The following ZC3H12B variants were observed in gnomAD, a reference collection of about 807,000 sequenced individuals.
ZC3H12B encodes the protein zinc finger CCCH-type containing 12B.
ZC3H12B carries 7 observed loss-of-function variants against 43.9 expected under a neutral mutation model. That is an observed-to-expected ratio of 0.16 (90% confidence interval 0.09 to 0.30). The LOEUF (loss-of-function observed/expected upper bound fraction) is 0.30. Among genes scored for constraint, ZC3H12B ranks in the 10% least tolerant of loss-of-function variants. The pLI is 1.00. For missense variants in ZC3H12B, 475 were observed against 670.2 expected (o/e 0.71, Z 3.22); for synonymous variants, 222 against 241.7 (o/e 0.92, Z 0.76).
the ZC3H12B span, among the ~76,000 whole-genome samples, chrX:65,318,564 C>T: frequency 9.1e-6 from 1 of 109,990 alleles, no homozygotes; most frequent in Admixed American, 9.7e-5. Context: ...GGATTACAGG[C>T]ACATGCCACC....
the ZC3H12B span, among the ~76,000 whole-genome samples, chrX:65,054,913 T>C: frequency 9.0e-6 from 1 of 111,477 alleles, no homozygotes; most frequent in Non-Finnish European, 1.9e-5. Context: ...TATAAGAATG[T>C]TTGTGATTTT....
At chrX:65,213,220 C>T in the ZC3H12B span, among the ~76,000 whole-genome samples, 3 of 109,927 alleles carry the variant, frequency 2.7e-5, no homozygotes, top group Non-Finnish European at 5.7e-5. Flanking sequence ...AGTGTGCCCA[C>T]GAGTATACCA....
At chrX:65,329,268 G>T in the ZC3H12B span, among the ~76,000 whole-genome samples, 4 of 111,513 alleles carry the variant, frequency 3.6e-5, no homozygotes, top group East Asian at 1.1e-3. Flanking sequence ...GCATCTCATT[G>T]TGGTTTTGAT....
chrX:65,207,400 A>G, the ZC3H12B span, among the ~76,000 whole-genome samples: 1 of 110,514 alleles, frequency 9.0e-6, no homozygotes, highest in African/African-American at 3.3e-5. Flanking sequence ...ACCAAACATC[A>G]TATGTTCTCA....
chrX:65,194,453 A>G, the ZC3H12B span, among the ~76,000 whole-genome samples: 1 of 111,295 alleles, frequency 9.0e-6, no homozygotes, highest in African/African-American at 3.3e-5. Context: ...TCAGGGAAAT[A>G]TTTTGCTTAA....
At chrX:65,236,379 C>T in the ZC3H12B span, among the ~76,000 whole-genome samples, 1 of 111,764 alleles carries the variant, frequency 8.9e-6, no homozygotes, top group African/African-American at 3.3e-5. Flanking sequence ...ATGTTTTTTA[C>T]CCACTTTTAA....
chrX:65,437,460 G>A lies in ZC3H12B; in HGVS notation n.407+38756G>A, dbSNP rs189046996. ...ATTCTGACTAGGGTGAGATGATATC[G>A]CATTGAAGTTTTAATTTACATTTCT... On this transcript the variant is annotated intron_variant and non_coding_transcript_variant, in intron 3 of 5. Coordinates refer to the ZC3H12B transcript ENST00000617377. Among the ~76,000 whole-genome samples the A allele has an allele frequency of 6.2e-3, 697 of 112,191 alleles. 9 individuals carry two copies. Among genetic ancestry groups the A allele is most frequent in the Middle Eastern group, 0.046 (10 of 218 alleles).
At chrX:65,269,837 T>G in the ZC3H12B span, among the ~76,000 whole-genome samples, 1 of 111,074 alleles carries the variant, frequency 9.0e-6, no homozygotes, top group Non-Finnish European at 1.9e-5. Context: ...AGTGAAAGAT[T>G]TATACACCTA....
At chrX:65,255,654 G>C in the ZC3H12B span, among the ~76,000 whole-genome samples, 1 of 111,744 alleles carries the variant, frequency 8.9e-6, no homozygotes, top group Admixed American at 9.5e-5. Flanking sequence ...TAACCAACTA[G>C]CAACATGATA....
chrX:65,361,260 CAGA>C, the ZC3H12B span, among the ~76,000 whole-genome samples: 1 of 112,184 alleles, frequency 8.9e-6, no homozygotes, highest in African/African-American at 3.2e-5. Flanking sequence ...CTGTGAAACA[CAGA>C]AGGCTAGTAT....
chrX:65,353,055 C>T, the ZC3H12B span, among the ~76,000 whole-genome samples: 1 of 110,141 alleles, frequency 9.1e-6, no homozygotes, highest in Admixed American at 9.7e-5. Context: ...TGGGATTTCA[C>T]CATGTTGCCC....
the ZC3H12B span, among the ~76,000 whole-genome samples, chrX:65,058,201 G>A: frequency 4.6e-4 from 51 of 110,846 alleles, no homozygotes; most frequent in Non-Finnish European, 7.7e-4. Context: ...TTTTTTTCCC[G>A]TCTTTGTGGT....
chrX:65,453,540 G>A (rs2067554786), intron 3 of ZC3H12B, among the ~76,000 whole-genome samples: 1 of 105,723 alleles, frequency 9.5e-6, no homozygotes, highest in Non-Finnish European at 1.9e-5. Context: ...AGTCAACATG[G>A]TGAAACACTT....
chrX:65,481,890 T>C (rs1156240385), intron 3 of ZC3H12B, among the ~76,000 whole-genome samples: 2 of 111,670 alleles, frequency 1.8e-5, no homozygotes, highest in Non-Finnish European at 1.9e-5. Context: ...CCTACTCCTA[T>C]TTGCCACCCA....
chrX:65,286,019 C>A, the ZC3H12B span, among the ~76,000 whole-genome samples: 1 of 111,760 alleles, frequency 8.9e-6, no homozygotes, highest in Non-Finnish European at 1.9e-5. Context: ...CCTCAAAGAA[C>A]TTAAAACGGA....
At chrX:65,137,741 AAAAT>A in the ZC3H12B span, among the ~76,000 whole-genome samples, 2 of 112,908 alleles carry the variant, frequency 1.8e-5, no homozygotes, top group African/African-American at 3.2e-5. Flanking sequence ...ATTTAAGAAA[AAAAT>A]ATATGAAATA....
chrX:65,353,689 A>C, the ZC3H12B span, among the ~76,000 whole-genome samples: 1 of 112,082 alleles, frequency 8.9e-6, no homozygotes, highest in Non-Finnish European at 1.9e-5. Flanking sequence ...ATCACCATGG[A>C]GCCAAGCAAG....
At chrX:65,253,122 G>T in the ZC3H12B span, among the ~76,000 whole-genome samples, 1 of 112,032 alleles carries the variant, frequency 8.9e-6, no homozygotes, top group Non-Finnish European at 1.9e-5. Flanking sequence ...CAGCCAGGAG[G>T]AACATCTGCC....
At chrX:65,075,274 C>A in the ZC3H12B span, among the ~76,000 whole-genome samples, 1 of 112,406 alleles carries the variant, frequency 8.9e-6, no homozygotes, top group East Asian at 2.8e-4. Context: ...TGCTTTTAAT[C>A]TAGTAAAATA....
Sources: allele counts gnomAD v4.1 joint callset (sites outside exome capture counted in the v4.1 genomes callset), GRCh38; gene constraint gnomAD v4.1.1; transcripts MANE v1.5; gene names NCBI Gene and HGNC (gene_info 2026-07-23, HGNC 2026-07-21).